Variants in PHACTR1 observed in about 807,000 individuals in gnomAD.
PHACTR1 encodes RPEL repeat containing 1.
PHACTR1 carries 16 observed loss-of-function variants against 69.2 expected under a neutral mutation model. The observed-to-expected ratio is 0.23, with a 90% CI of 0.16 to 0.35. PHACTR1 has a LOEUF of 0.35. PHACTR1 is among the 10% of genes least tolerant of loss of function. PHACTR1 has a pLI of 1.00. For synonymous variants in PHACTR1, 312 were observed against 284.5 expected, an observed-to-expected ratio of 1.10 and a Z score of -0.97; for missense variants, 510 against 734.7, an observed-to-expected ratio of 0.69 and a Z score of 3.54.
chr6:13,076,211 G>A (rs1253339625), intron 5 of PHACTR1, among the ~76,000 whole-genome samples: 5 of 151,970 alleles, frequency 3.3e-5, no homozygotes, highest in Non-Finnish European at 7.4e-5. Flanking sequence ...ACACACTAAT[G>A]GAAGAAATAG....
At chr6:12,739,684 C>T (rs1404872868) in intron 3 of PHACTR1, among the ~76,000 whole-genome samples, 3 of 152,088 alleles carry the variant, frequency 2.0e-5, no homozygotes, top group African/African-American at 7.2e-5. Context: ...ACCACAGGCA[C>T]GTACCACCAT....
At chr6:13,196,465 C>G (rs562396603) in intron 7 of PHACTR1, 1 of 159,810 alleles carries the variant, frequency 6.3e-6, no homozygotes, top group African/African-American at 2.9e-5. Flanking sequence ...CTGTTGCCCA[C>G]GGTGGAGCGC....
chr6:13,000,643 G>GAAGGAAGGAAGGAA (rs1562115334), intron 4 of PHACTR1, among the ~76,000 whole-genome samples: 1 of 56,460 alleles, frequency 1.8e-5, no homozygotes, highest in African/African-American at 1.4e-4. Context: ...GAAGGAAGGG[G>GAAGGAAGGAAGGAA]GGAGGGAGGG....
At chr6:12,916,777 C>A (rs529328623) in intron 4 of PHACTR1, among the ~76,000 whole-genome samples, 2 of 152,148 alleles carry the variant, frequency 1.3e-5, no homozygotes, top group South Asian at 4.2e-4. Flanking sequence ...CCAATATGTG[C>A]ACCCTTAATA....
rs946302317 is a variant in PHACTR1, at chr6:13,064,445, G to T, written c.415+10916G>T. Among the ~76,000 whole-genome samples, 3 of 150,344 alleles carry T rather than the reference G, an allele frequency of 2.0e-5. No individual in the cohort carries two copies. The Admixed American group carries it at 2.0e-4, about 10-fold the overall frequency. Reference sequence around the variant, plus strand: ...TAAGGGTAAACAAGCTTTATCCCACGTAAATGGCAATGCAGATATAATAAG... The same window carrying T: ...TAAGGGTAAACAAGCTTTATCCCACTTAAATGGCAATGCAGATATAATAAG... On this transcript the variant is annotated intron_variant, in intron 5 of 14. Transcript: ENST00000332995.
intron 3 of PHACTR1, among the ~76,000 whole-genome samples, chr6:12,735,523 G>A (rs1048206163): frequency 2.6e-5 from 4 of 152,162 alleles, no homozygotes; most frequent in Non-Finnish European, 5.9e-5. Context: ...CACCTAAACA[G>A]TTTTTGTTAA....
chr6:13,179,405 CGT>C lies in PHACTR1; in HGVS notation c.497-3075_497-3074del, dbSNP rs4053019. 0.21 allele frequency among the ~76,000 whole-genome samples: 30,380 copies of C among 141,822 alleles called. 3,488 individuals carry two copies. Among genetic ancestry groups the C allele is most frequent in the East Asian group, 0.44 (2,154 of 4,898 alleles). 93.0% of individuals were successfully genotyped at this position (141,822 alleles called of 152,430 possible). On this transcript the variant is annotated intron_variant, in intron 6 of 14. Transcript: ENST00000332995. This position sits in a 1 kb window ranked among gnomAD's most constrained non-coding sequence, Gnocchi z 4.2. ...TATACAGCCCATTACATTAATGTTT[CGT>C]GTGTGTGTGTGTGTGTGTGTGTGTG...
chr6:12,879,095 C>T (rs1045920455), intron 4 of PHACTR1, among the ~76,000 whole-genome samples: 2 of 152,170 alleles, frequency 1.3e-5, no homozygotes, highest in African/African-American at 2.4e-5. Flanking sequence ...GTTTCTCAAG[C>T]AGGCTGGTTT....
intron 4 of PHACTR1, among the ~76,000 whole-genome samples, chr6:13,002,130 T>C (rs911033759): frequency 5.9e-5 from 9 of 152,218 alleles, no homozygotes; most frequent in Non-Finnish European, 8.8e-5. Flanking sequence ...TTTCCCTCTT[T>C]TATAAAGTTT....
At position 12,844,231 on chromosome 6, in the gene PHACTR1, CA is replaced by C. The variant is rs35714185; in HGVS notation, c.250+94447del. 2.6e-5 allele frequency among the ~76,000 whole-genome samples: 4 copies of C among 151,948 alleles called. No homozygotes were observed. The East Asian group carries it at 5.8e-4, about 22-fold the overall frequency. ...GCAACATAGCAAGATTCCATCGCTA[CA>C]AAAAATTTTAAAACGTTAGCCGAAT... On this transcript the variant is annotated intron_variant, in intron 4 of 14. Coordinates refer to ENST00000332995, the MANE Select transcript of PHACTR1 (RefSeq NM_030948.6).
At chr6:13,185,989 T>C (rs1762779471) in intron 7 of PHACTR1, among the ~76,000 whole-genome samples, 1 of 152,196 alleles carries the variant, frequency 6.6e-6, no homozygotes, top group Non-Finnish European at 1.5e-5. Context: ...CAGCTAATGT[T>C]GTTTCCAGAG....
intron 6 of PHACTR1, among the ~76,000 whole-genome samples, chr6:13,163,772 C>T (rs575459794): frequency 1.3e-5 from 2 of 152,248 alleles, no homozygotes; most frequent in East Asian, 3.9e-4. Context: ...CTTCTCTGTG[C>T]TTCTCTTGCT....
At position 13,179,893 on chromosome 6, in the gene PHACTR1, T is replaced by C. The variant is rs963633155; in HGVS notation, c.497-2626T>C. Among the ~76,000 whole-genome samples the C allele has an allele frequency of 1.3e-5, 2 of 152,202 alleles. No individual in the cohort carries two copies. The highest frequency in any genetic ancestry group is 1.9e-4 in the East Asian group (1 of 5,204). On this transcript the variant is annotated intron_variant, in intron 6 of 14. Transcript: ENST00000332995. This position sits in a 1 kb window ranked among gnomAD's most constrained non-coding sequence, Gnocchi z 4.2. ...GGATCCATGTATGTGTCAGTAGACATTGGAATATTAATACATGAAAATTTC... is the reference window on the plus strand; with the variant it reads ...GGATCCATGTATGTGTCAGTAGACACTGGAATATTAATACATGAAAATTTC...
intron 4 of PHACTR1, among the ~76,000 whole-genome samples, chr6:12,970,706 A>T (rs1225441168): frequency 6.6e-6 from 1 of 152,232 alleles, no homozygotes; most frequent in African/African-American, 2.4e-5. Flanking sequence ...CAGTGAGCCG[A>T]AATCTCACCA....
intron 3 of PHACTR1, among the ~76,000 whole-genome samples, chr6:12,746,267 C>T (rs967835963): frequency 2.0e-5 from 3 of 152,206 alleles, no homozygotes; most frequent in African/African-American, 7.2e-5. Flanking sequence ...GACACAATGG[C>T]TCAGGCCTGT....
intron 10 of PHACTR1, among the ~76,000 whole-genome samples, chr6:13,269,705 G>A (rs183159353): frequency 2.5e-3 from 381 of 152,144 alleles, no homozygotes; most frequent in Non-Finnish European, 4.4e-3. Context: ...ATGGTGGCAC[G>A]CACCTGTAAT....
intron 4 of PHACTR1, among the ~76,000 whole-genome samples, chr6:12,815,005 A>T (rs1460686568): frequency 6.6e-6 from 1 of 152,212 alleles, no homozygotes; most frequent in Admixed American, 6.5e-5. Flanking sequence ...TTTATCCATC[A>T]TGGTGCCAAC....
intron 4 of PHACTR1, among the ~76,000 whole-genome samples, chr6:12,979,535 G>A (rs1176321453): frequency 2.0e-5 from 3 of 152,160 alleles, no homozygotes; most frequent in African/African-American, 7.2e-5. Flanking sequence ...CTCATCCACA[G>A]AACGGTGGCA....
chr6:12,813,259 A>G (rs529677255), intron 4 of PHACTR1, among the ~76,000 whole-genome samples: 1 of 152,292 alleles, frequency 6.6e-6, no homozygotes, highest in Non-Finnish European at 1.5e-5. Flanking sequence ...GTGCTAGGAT[A>G]TTGGTTTCAC....
Sources: gnomAD v4.1 joint callset for allele counts (sites outside exome capture counted in the v4.1 genomes callset) on GRCh38, gnomAD v4.1.1 for gene constraint, Gnocchi (gnomAD v3.1) non-coding constraint, MANE v1.5 for transcripts, NCBI Gene and HGNC (gene_info 2026-07-23, HGNC 2026-07-21) for gene names.